CCDC148: variants seen among roughly 807,000 people sequenced by gnomAD.
CCDC148 encodes coiled-coil domain containing 148.
Under a neutral mutation model 85.7 loss-of-function variants are expected in CCDC148, and 89 were observed. That is an observed-to-expected ratio of 1.04 (90% CI 0.87 to 1.24). The LOEUF is 1.24. CCDC148 is among the 50% of genes most tolerant of loss of function. The probability of loss-of-function intolerance (pLI) is 0.00; values close to 1 mark genes in which losing one functional copy is unlikely to be tolerated. For missense variants in CCDC148, 692 were observed against 671.7 expected (o/e 1.03, Z -0.33); for synonymous variants, 230 against 213.9 (o/e 1.08, Z -0.66).
intron 7 of CCDC148, among the ~76,000 whole-genome samples, chr2:158,324,526 G>C (rs1009789735): frequency 1.3e-5 from 2 of 152,058 alleles, no homozygotes; most frequent in African/African-American, 2.4e-5. Context: ...ACTAAGGAGA[G>C]AAAATTTAAT....
chr2:158,183,248 A>G (rs1684990806), intron 11 of CCDC148, among the ~76,000 whole-genome samples: 1 of 152,176 alleles, frequency 6.6e-6, no homozygotes, highest in African/African-American at 2.4e-5. Context: ...GCCTGAGTGT[A>G]GTTGAAGGGA....
At chr2:158,390,788 A>C (rs915321496) in intron 1 of CCDC148, among the ~76,000 whole-genome samples, 1 of 152,068 alleles carries the variant, frequency 6.6e-6, no homozygotes. Flanking sequence ...TCTAGCCAAG[A>C]AGTCTTTTTT....
chr2:158,442,292 C>A (rs1463799387), intron 1 of CCDC148, among the ~76,000 whole-genome samples: 1 of 152,136 alleles, frequency 6.6e-6, no homozygotes, highest in Non-Finnish European at 1.5e-5. Flanking sequence ...AATTAATATT[C>A]TTTGCTAAGA....
At chr2:158,176,484 T>C (rs780028954) in intron 13 of CCDC148, 37 bp downstream of exon 13, 12 of 1,601,864 alleles carry the variant, frequency 7.5e-6, no homozygotes, top group Middle Eastern at 1.7e-4. Context: ...ACCATCATCA[T>C]GGCTTTTTCA....
In CCDC148 at chr2:158,346,379, T is replaced by A. The variant is rs1574660528; in HGVS notation, c.148-1061A>T. ...TTTCTCTGAACAGTTCCACTACGGT[T>A]CCAACTATCTCCGGGTAACCTCACC... On this transcript the variant is annotated intron_variant, in intron 2 of 13. Transcript: ENST00000283233. 7.2e-5 allele frequency among the ~76,000 whole-genome samples: 11 copies of A among 152,212 alleles called. No individual in the cohort carries two copies. The South Asian group carries it at 2.3e-3, about 32-fold the overall frequency.
At chr2:158,306,914 G>A (rs1344174979) in intron 9 of CCDC148, among the ~76,000 whole-genome samples, 2 of 151,120 alleles carry the variant, frequency 1.3e-5, no homozygotes, top group East Asian at 1.9e-4. Flanking sequence ...AGCTACTCAG[G>A]AAGCTGAGGC....
chr2:158,278,245 A>C (rs1690056906), intron 9 of CCDC148, among the ~76,000 whole-genome samples: 1 of 152,146 alleles, frequency 6.6e-6, no homozygotes, highest in Non-Finnish European at 1.5e-5. Context: ...TACCGGGTTC[A>C]TCTCACTAGG....
intron 1 of CCDC148, among the ~76,000 whole-genome samples, chr2:158,401,806 G>A (rs559174076): frequency 6.6e-6 from 1 of 152,086 alleles, no homozygotes; most frequent in East Asian, 1.9e-4. Flanking sequence ...AAGGGAGAGG[G>A]CAGGGCAAAG....
chr2:158,204,072 T>C (rs983553299), intron 11 of CCDC148, among the ~76,000 whole-genome samples: 1 of 152,202 alleles, frequency 6.6e-6, no homozygotes, highest in Non-Finnish European at 1.5e-5. Flanking sequence ...TTTATTCTAG[T>C]TAGATTCCTC....
intron 10 of CCDC148, among the ~76,000 whole-genome samples, chr2:158,246,755 C>T (rs1688586680): frequency 6.6e-6 from 1 of 152,122 alleles, no homozygotes; most frequent in South Asian, 2.1e-4. Flanking sequence ...TGCAAAAGTT[C>T]CAGGGAGACC....
chr2:158,345,406 G>C, intron 2 of CCDC148, 88 bp from the exon 3 acceptor site: 2 of 812,800 alleles, frequency 2.5e-6, no homozygotes, highest in South Asian at 1.9e-5. Flanking sequence ...AATTTTCTAA[G>C]TTAAATAGTT....
At chr2:158,422,411 G>A (rs1686842502) in intron 1 of CCDC148, among the ~76,000 whole-genome samples, 1 of 152,096 alleles carries the variant, frequency 6.6e-6, no homozygotes, top group Admixed American at 6.6e-5. Flanking sequence ...TCATCCCTGG[G>A]ATGCAAGGCT....
chr2:158,397,996 A>AT (rs1226223122), intron 1 of CCDC148, among the ~76,000 whole-genome samples: 1 of 152,198 alleles, frequency 6.6e-6, no homozygotes, highest in Non-Finnish European at 1.5e-5. Flanking sequence ...GATAAAACAG[A>AT]TTTTAAACCA....
chr2:158,244,058 C>G (rs1375432919), intron 10 of CCDC148, among the ~76,000 whole-genome samples: 1 of 152,144 alleles, frequency 6.6e-6, no homozygotes, highest in Non-Finnish European at 1.5e-5. Flanking sequence ...ACTTCCTCCT[C>G]AGCCCTCACC....
intron 7 of CCDC148, among the ~76,000 whole-genome samples, chr2:158,317,247 A>G (rs1692323116): frequency 1.3e-5 from 2 of 152,212 alleles, no homozygotes; most frequent in African/African-American, 4.8e-5. Context: ...GTTCTCTGCA[A>G]TTTCTATTCC....
intron 9 of CCDC148, among the ~76,000 whole-genome samples, chr2:158,294,998 T>G: frequency 6.6e-6 from 1 of 152,142 alleles, no homozygotes; most frequent in African/African-American, 2.4e-5. Context: ...TTAACCTGTA[T>G]TTTTCTACTA....
At chr2:158,389,411 G>A (rs1685215475) in intron 1 of CCDC148, among the ~76,000 whole-genome samples, 1 of 152,150 alleles carries the variant, frequency 6.6e-6, no homozygotes, top group Non-Finnish European at 1.5e-5. Flanking sequence ...CAGAATTCAT[G>A]CTAATTTACT....
At chr2:158,174,909 C>CA (rs1684501356) in intron 13 of CCDC148, among the ~76,000 whole-genome samples, 2 of 152,172 alleles carry the variant, frequency 1.3e-5, no homozygotes, top group South Asian at 4.2e-4. Flanking sequence ...TTATGGGGCA[C>CA]ATGACTGTAT....
intron 8 of CCDC148, among the ~76,000 whole-genome samples, chr2:158,310,278 A>T (rs1691914935): frequency 6.6e-6 from 1 of 152,158 alleles, no homozygotes; most frequent in African/African-American, 2.4e-5. Flanking sequence ...AGGCAGAAGA[A>T]TTTTTCTTAG....
Sources: gnomAD v4.1 joint callset for allele counts (sites outside exome capture counted in the v4.1 genomes callset) on GRCh38, gnomAD v4.1.1 for gene constraint, MANE v1.5 for transcripts, NCBI Gene and HGNC (gene_info 2026-07-23, HGNC 2026-07-21) for gene names.